Variants in ECT2L observed in about 807,000 individuals in gnomAD.
ECT2L encodes epithelial cell-transforming sequence 2 oncogene-like.
Under a neutral mutation model 122.8 loss-of-function variants are expected in ECT2L, and 126 were observed. That is an observed-to-expected ratio of 1.03 (90% CI 0.89 to 1.19). ECT2L has a LOEUF of 1.19. Ranked by LOEUF, ECT2L falls within the 50% of genes most tolerant of loss-of-function variation. The probability of loss-of-function intolerance (pLI) is 0.00; values close to 1 mark genes in which losing one functional copy is unlikely to be tolerated. For missense variants in ECT2L, 1,012 were observed against 1,064.1 expected (o/e 0.95, Z 0.68); for synonymous variants, 385 against 381.8 (o/e 1.01, Z -0.10).
intron 12 of ECT2L, among the ~76,000 whole-genome samples, chr6:138,866,048 C>T (rs1174417306): frequency 6.6e-6 from 1 of 152,162 alleles, no homozygotes; most frequent in African/African-American, 2.4e-5. Flanking sequence ...GATTTGCCTT[C>T]CTGCTTATTT....
chr6:138,873,123 G>A (rs1410222927), intron 13 of ECT2L, among the ~76,000 whole-genome samples: 1 of 152,080 alleles, frequency 6.6e-6, no homozygotes, highest in Non-Finnish European at 1.5e-5. Flanking sequence ...CATGAAATTT[G>A]GGCTGAAAGT....
chr6:138,872,658 A>G (rs1478009987), intron 13 of ECT2L, among the ~76,000 whole-genome samples: 2 of 152,170 alleles, frequency 1.3e-5, no homozygotes, highest in African/African-American at 4.8e-5. Context: ...GGCCTCTAAT[A>G]CCACTCATTT....
Position 138,876,521 on chromosome 6 carries a change from G to A in ECT2L, c.1628G>A (p.Ser543Asn), listed in dbSNP as rs950088975. ...DNSWDTKSRL[S>N]KNDLNFEALI... ...TCTTGGGACACAAAGTCCAGGCTCAGCAAAAATGATTTAAATTTTGAAGCA... is the reference window on the plus strand; with the variant it reads ...TCTTGGGACACAAAGTCCAGGCTCAACAAAAATGATTTAAATTTTGAAGCA... Residue 543 changes from serine (S) to asparagine (N), a missense_variant, in exon 14 of 22, where the codon AGC becomes AAC. Transcript: ENST00000541398. 4 of 1,612,608 alleles carry A rather than the reference G, an allele frequency of 2.5e-6. No individual in the cohort carries two copies. Among genetic ancestry groups the A allele is most frequent in the African/African-American group, 1.3e-5 (1 of 74,828 alleles).
intron 4 of ECT2L, among the ~76,000 whole-genome samples, chr6:138,815,354 C>T (rs542261360): frequency 4.6e-5 from 7 of 152,304 alleles, no homozygotes; most frequent in Admixed American, 1.3e-4. Context: ...GATTCTCTTT[C>T]GTGAAATTCA....
At chr6:138,849,573 CTT>C (rs761157171) in intron 9 of ECT2L, 139 bp downstream of exon 9, 30,130 of 496,406 alleles carry the variant, frequency 0.061, no homozygotes, top group South Asian at 0.083. Flanking sequence ...AAAAGCGAAG[CTT>C]TTTTTTTTTT....
At chr6:138,853,056 C>T (rs148131929) in intron 9 of ECT2L, among the ~76,000 whole-genome samples, 1,631 of 152,262 alleles carry the variant, frequency 0.011, 13 homozygotes, top group Non-Finnish European at 0.017. Context: ...CAACCTCCAC[C>T]TCCTGGGTTC....
chr6:138,870,992 C>T (rs62440945), intron 13 of ECT2L, among the ~76,000 whole-genome samples: 1 of 152,076 alleles, frequency 6.6e-6, no homozygotes, highest in East Asian at 1.9e-4. Flanking sequence ...GCAGAGGTTG[C>T]AGTGAGCCAA....
intron 13 of ECT2L, among the ~76,000 whole-genome samples, chr6:138,871,107 T>A (rs1315566449): frequency 6.6e-6 from 1 of 152,150 alleles, no homozygotes; most frequent in Non-Finnish European, 1.5e-5. Flanking sequence ...AGTACTATAT[T>A]AGGAATCCAA....
intron 18 of ECT2L, 58 bp from the exon 19 acceptor site, chr6:138,886,794 ATTTCT>A: frequency 8.7e-7 from 1 of 1,152,414 alleles, no homozygotes; most frequent in Non-Finnish European, 1.3e-6. Context: ...ATTTTAATCT[ATTTCT>A]TTTATGAATA....
chr6:138,850,755 G>A (rs780209695), intron 9 of ECT2L, among the ~76,000 whole-genome samples: 10 of 151,846 alleles, frequency 6.6e-5, no homozygotes, highest in Admixed American at 1.3e-4. Context: ...TAATCCCAGC[G>A]CTTTGGGAGG....
chr6:138,897,081 A>G (rs565250642), intron 20 of ECT2L, among the ~76,000 whole-genome samples: 2 of 152,364 alleles, frequency 1.3e-5, no homozygotes, highest in Admixed American at 1.3e-4. Context: ...AAGAATGTAC[A>G]TTATAGTAGC....
At chr6:138,857,225 A>T (rs1777641662) in intron 10 of ECT2L, among the ~76,000 whole-genome samples, 1 of 152,164 alleles carries the variant, frequency 6.6e-6, no homozygotes, top group Non-Finnish European at 1.5e-5. Context: ...GCCTTAAAAA[A>T]ATAAAAGGAC....
intron 1 of ECT2L, among the ~76,000 whole-genome samples, chr6:138,797,487 T>G (rs1775384080): frequency 6.6e-6 from 1 of 152,152 alleles, no homozygotes; most frequent in Non-Finnish European, 1.5e-5. Context: ...CCAGACTAAC[T>G]TGCATTTCTC....
chr6:138,889,469 G>A (rs1189333220), intron 20 of ECT2L, among the ~76,000 whole-genome samples: 4 of 152,006 alleles, frequency 2.6e-5, no homozygotes, highest in African/African-American at 7.2e-5. Flanking sequence ...ACAGGCACCC[G>A]TCACCATGCC....
At chr6:138,896,314 T>C (rs1473138974) in intron 20 of ECT2L, among the ~76,000 whole-genome samples, 9 of 152,136 alleles carry the variant, frequency 5.9e-5, no homozygotes, top group Admixed American at 5.9e-4. Flanking sequence ...GACTGGTGAA[T>C]AGAGGCCTGG....
In ECT2L at chr6:138,846,751, G is replaced by T. The variant is rs552294306; in HGVS notation, c.903+74G>T. On this transcript the variant is annotated intron_variant, in intron 8 of 21. Transcript: ENST00000541398. ...TTGTTTTTTTTCATCTAGACTAGAG[G>T]GTGTGTGACAAGCTTTTGGCCACCA... 11 of 1,338,182 alleles carry T rather than the reference G, an allele frequency of 8.2e-6. No individual in the cohort carries two copies. The South Asian group carries it at 1.7e-4, about 20-fold the overall frequency. The allele number at this position is 1,338,182 out of a possible 1,614,324, so 82.9% of individuals were successfully genotyped here. A position where few individuals can be genotyped will look rare whatever the true frequency, so the allele number is the denominator to read the frequency against.
chr6:138,873,011 G>A (rs1370310991), intron 13 of ECT2L, among the ~76,000 whole-genome samples: 1 of 152,156 alleles, frequency 6.6e-6, no homozygotes, highest in Non-Finnish European at 1.5e-5. Flanking sequence ...TTCCTCTGAG[G>A]CACTTTCTCC....
At chr6:138,801,138 G>A (rs1003812950) in intron 1 of ECT2L, among the ~76,000 whole-genome samples, 1 of 152,186 alleles carries the variant, frequency 6.6e-6, no homozygotes, top group Admixed American at 6.5e-5. Flanking sequence ...ATATTTGGAG[G>A]TGACACATTC....
At chr6:138,892,568 A>C (rs1779066046) in intron 20 of ECT2L, among the ~76,000 whole-genome samples, 1 of 152,124 alleles carries the variant, frequency 6.6e-6, no homozygotes. Context: ...ATCTAGGCTC[A>C]CTGCAGCCTC....
Sources: allele counts gnomAD v4.1 joint callset (sites outside exome capture counted in the v4.1 genomes callset), GRCh38; gene constraint gnomAD v4.1.1; transcripts MANE v1.5; gene names NCBI Gene and HGNC (gene_info 2026-07-23, HGNC 2026-07-21).